ARFGEF2: variants seen among roughly 807,000 people sequenced by gnomAD.
The protein encoded by ARFGEF2 is ARF guanine nucleotide exchange factor 2, also known as brefeldin A-inhibited guanine nucleotide-exchange protein 2.
A neutral mutation model predicts 219.9 loss-of-function variants in ARFGEF2; 74 were observed. The observed-to-expected ratio is 0.34, with a 90% CI of 0.28 to 0.41. The LOEUF (loss-of-function observed/expected upper bound fraction) is 0.41. ARFGEF2 is among the 10% of genes least tolerant of loss of function. ARFGEF2 has a pLI of 1.00. For synonymous variants in ARFGEF2, 733 were observed against 799.2 expected, an observed-to-expected ratio of 0.92 and a Z score of 1.40; for missense variants, 1,743 against 2,218.3, an observed-to-expected ratio of 0.79 and a Z score of 4.30.
intron 25 of ARFGEF2, chr20:48,999,203 A>G (rs1600644630): frequency 6.9e-6 from 3 of 437,874 alleles, no homozygotes. Flanking sequence ...GCACCACTGC[A>G]CCCCAGCCTG....
In ARFGEF2 at chr20:48,984,638, G is replaced by T. The variant is rs548458787; in HGVS notation, c.1959-91G>T. 95 of 1,497,460 alleles carry T rather than the reference G, an allele frequency of 6.3e-5. 2 individuals are homozygous for T. In the South Asian group the frequency reaches 1.0e-3, roughly 16 times the overall value. The allele number at this position is 1,497,460 out of a possible 1,614,324, so 92.8% of individuals were successfully genotyped here. On this transcript the variant is annotated intron_variant, in intron 14 of 38. Coordinates refer to ENST00000371917, the MANE Select transcript of ARFGEF2 (RefSeq NM_006420.3). ...GCTTATACGTGATGGCATGTTCATA[G>T]TATTCTATTATTATTTATCTCAAAT... is the stretch of plus-strand genomic sequence containing the variant.
chr20:48,953,699 T>C lies in ARFGEF2; in HGVS notation c.747T>C (p.Asp249=), dbSNP rs1272004895. 2 of 1,613,956 alleles carry C rather than the reference T, an allele frequency of 1.2e-6. No individual in the cohort carries two copies. The highest frequency in any genetic ancestry group is 1.3e-5 in the African/African-American group (1 of 74,874). ...QSKPTTPEKT[D]LTNGEHARSD... Reference sequence around the variant, plus strand: ...AACCAACAACTCCCGAAAAAACAGATTTAACCAACGGTGAACATGCCAGGA... The same window carrying C: ...AACCAACAACTCCCGAAAAAACAGACTTAACCAACGGTGAACATGCCAGGA... The change falls in exon 6 of 39, where the codon GAT becomes GAC. Residue 249 remains aspartate, a synonymous_variant. Transcript: ENST00000371917.
At chr20:48,950,830 ATATATATATATATATATG>A (rs1170670003) in intron 3 of ARFGEF2, among the ~76,000 whole-genome samples, 23 of 131,794 alleles carry the variant, frequency 1.7e-4, no homozygotes, top group African/African-American at 6.6e-4. Flanking sequence ...ATATATATAT[ATATATATATATATATATG>A]TATGTATATA....
chr20:48,997,071 T>C (rs1367691999), intron 23 of ARFGEF2, among the ~76,000 whole-genome samples: 1 of 152,180 alleles, frequency 6.6e-6, no homozygotes, highest in Non-Finnish European at 1.5e-5. Flanking sequence ...AGTTTCCTTA[T>C]ACTAACATCT....
At chr20:48,928,741 G>A (rs1468124599) in intron 1 of ARFGEF2, among the ~76,000 whole-genome samples, 4 of 152,050 alleles carry the variant, frequency 2.6e-5, no homozygotes, top group South Asian at 2.1e-4. Flanking sequence ...TGATCTGCCC[G>A]CCTCAGCCTC....
intron 16 of ARFGEF2, among the ~76,000 whole-genome samples, chr20:48,987,483 G>A (rs1210618882): frequency 1.3e-5 from 2 of 152,184 alleles, no homozygotes; most frequent in East Asian, 3.8e-4. Flanking sequence ...ACTATTAAAT[G>A]TTATAATGGG....
intron 6 of ARFGEF2, among the ~76,000 whole-genome samples, chr20:48,962,394 C>G (rs2091158903): frequency 1.3e-5 from 2 of 152,164 alleles, no homozygotes; most frequent in African/African-American, 4.8e-5. Context: ...AATTTTTCAG[C>G]TCCATTTGTA....
chr20:49,018,839 C>G, intron 33 of ARFGEF2, 45 bp from the exon 34 acceptor site: 1 of 1,538,788 alleles, frequency 6.5e-7, no homozygotes. Flanking sequence ...CCCAAATTAT[C>G]ATGAAGAAAA....
At chr20:48,926,348 G>A (rs1246379697) in intron 1 of ARFGEF2, among the ~76,000 whole-genome samples, 1 of 152,062 alleles carries the variant, frequency 6.6e-6, no homozygotes, top group African/African-American at 2.4e-5. Flanking sequence ...CTTTTCTTCA[G>A]GTTTTTACTA....
chr20:49,004,246 C>A (rs897209399), intron 25 of ARFGEF2, among the ~76,000 whole-genome samples: 50 of 151,768 alleles, frequency 3.3e-4, no homozygotes, highest in African/African-American at 1.2e-3. Context: ...CGCCTGTAAT[C>A]CCAGCTACTC....
chr20:48,953,862 G>A (rs749160098), intron 6 of ARFGEF2, 72 bp downstream of exon 6: 4 of 1,405,772 alleles, frequency 2.8e-6, no homozygotes, highest in South Asian at 1.2e-5. Flanking sequence ...CAGAAGAAGT[G>A]TATGTCATAA....
At chr20:49,025,565 T>G in intron 36 of ARFGEF2, 84 bp downstream of exon 36, 1 of 1,463,020 alleles carries the variant, frequency 6.8e-7, no homozygotes, top group Non-Finnish European at 9.5e-7. Context: ...GCCCAAAATT[T>G]TAAACATAGC....
At chr20:48,950,811 A>AAAAAAAAT (rs1176537072) in intron 3 of ARFGEF2, among the ~76,000 whole-genome samples, 5 of 64,512 alleles carry the variant, frequency 7.8e-5, no homozygotes, top group African/African-American at 3.7e-4. Flanking sequence ...AAAAAAAAAA[A>AAAAAAAAT]ATATATATAT....
intron 1 of ARFGEF2, among the ~76,000 whole-genome samples, chr20:48,935,903 A>G: frequency 9.0e-6 from 1 of 110,940 alleles, no homozygotes; most frequent in African/African-American, 4.2e-5. Context: ...GGCCGGGCAG[A>G]GGCACCCCTC....
intron 9 of ARFGEF2, 101 bp from the exon 10 acceptor site, chr20:48,971,019 A>C (rs2091223791): frequency 1.0e-6 from 1 of 975,892 alleles, no homozygotes; most frequent in African/African-American, 1.6e-5. Context: ...TTAATTCTTT[A>C]AAATTCTACT....
At chr20:48,974,118 AT>A (rs57941437) in intron 12 of ARFGEF2, among the ~76,000 whole-genome samples, 12,218 of 69,046 alleles carry the variant, frequency 0.18, 301 homozygotes, top group East Asian at 0.37. Context: ...TTGAGTGTGA[AT>A]TTTTTTTTTT....
intron 25 of ARFGEF2, among the ~76,000 whole-genome samples, chr20:49,000,397 T>C (rs1243868069): frequency 1.3e-5 from 2 of 152,198 alleles, no homozygotes; most frequent in Non-Finnish European, 2.9e-5. Flanking sequence ...ATGTCATATA[T>C]CAGGGTTATT....
At position 48,976,582 on chromosome 20, in the gene ARFGEF2, G is replaced by A. The variant is rs551754216; in HGVS notation, c.1958+383G>A. Among the ~76,000 whole-genome samples, 682 of 152,322 alleles carry A rather than the reference G, an allele frequency of 4.5e-3. 6 individuals are homozygous for A. The highest frequency in any genetic ancestry group is 6.9e-3 in the Non-Finnish European group (468 of 68,010). The stretch of plus-strand genomic sequence containing the variant: ...CCAGCACTTTAGGAGGCTGAGGCAG[G>A]TGGATCATGAGGTCAGGAGATCAAG... On this transcript the variant is annotated intron_variant, in intron 14 of 38. Transcript: ENST00000371917.
At chr20:48,935,745 G>A (rs1358350597) in intron 1 of ARFGEF2, among the ~76,000 whole-genome samples, 5 of 148,778 alleles carry the variant, frequency 3.4e-5, no homozygotes, top group East Asian at 2.1e-4. Flanking sequence ...CCTCCCTCCC[G>A]GACAGGGCGG....
Sources: gnomAD v4.1 joint callset for allele counts (sites outside exome capture counted in the v4.1 genomes callset) on GRCh38, gnomAD v4.1.1 for gene constraint, MANE v1.5 for transcripts, NCBI Gene and HGNC (gene_info 2026-07-23, HGNC 2026-07-21) for gene names.